DNAH11: variants seen among roughly 807,000 people sequenced by gnomAD.
DNAH11 encodes dynein axonemal heavy chain 11, also known as axonemal beta dynein heavy chain 11.
In DNAH11, 442 loss-of-function variants were observed where a neutral mutation model predicts 526.0. The observed-to-expected ratio is 0.84, with a 90% confidence interval of 0.78 to 0.91. The LOEUF (loss-of-function observed/expected upper bound fraction) is 0.91, where lower values mean the gene tolerates loss of function less well. DNAH11 is among the 40% of genes least tolerant of loss of function. The pLI is 0.00. For missense variants in DNAH11, 6,989 were observed against 5,448.7 expected (o/e 1.28, Z -8.90); for synonymous variants, 2,461 against 1,935.9 (o/e 1.27, Z -7.12).
At chr7:21,695,606 G>C (rs1258158662) in intron 35 of DNAH11, among the ~76,000 whole-genome samples, 1 of 152,184 alleles carries the variant, frequency 6.6e-6, no homozygotes, top group Non-Finnish European at 1.5e-5. Context: ...ATGGCTTAAA[G>C]ACTTAAACAT....
At chr7:21,716,585 A>G (rs931570968) in intron 42 of DNAH11, among the ~76,000 whole-genome samples, 4 of 152,184 alleles carry the variant, frequency 2.6e-5, no homozygotes, top group Admixed American at 1.3e-4. Context: ...CCTCTTCTTG[A>G]TAAGATCTAG....
intron 65 of DNAH11, among the ~76,000 whole-genome samples, chr7:21,821,485 A>G (rs34463432): frequency 0.48 from 73,402 of 152,032 alleles, 18,886 homozygotes; most frequent in Non-Finnish European, 0.58. Flanking sequence ...ACCCAGAGAC[A>G]TTAATTAACG....
intron 29 of DNAH11, among the ~76,000 whole-genome samples, chr7:21,656,647 G>T (rs1401290409): frequency 2.0e-5 from 3 of 152,120 alleles, no homozygotes; most frequent in Non-Finnish European, 2.9e-5. Flanking sequence ...GATGGAGCTT[G>T]CGTAGCTTGG....
intron 63 of DNAH11, among the ~76,000 whole-genome samples, chr7:21,812,907 G>A (rs781443988): frequency 8.5e-5 from 13 of 152,118 alleles, no homozygotes; most frequent in Admixed American, 1.3e-4. Flanking sequence ...TGGGGTTGAC[G>A]GCCATTACCC....
chr7:21,768,731 G>A (rs1008047448), intron 55 of DNAH11, among the ~76,000 whole-genome samples: 5 of 152,162 alleles, frequency 3.3e-5, no homozygotes, highest in African/African-American at 7.2e-5. Context: ...AACTGATGGC[G>A]AGAAAGTCCA....
chr7:21,680,104 C>T (rs1371621617), intron 30 of DNAH11, among the ~76,000 whole-genome samples: 1 of 152,196 alleles, frequency 6.6e-6, no homozygotes, highest in Non-Finnish European at 1.5e-5. Context: ...CCTTTCTTCT[C>T]CCTTCTTATT....
At chr7:21,597,825 T>C (rs1213098360) in intron 14 of DNAH11, among the ~76,000 whole-genome samples, 1 of 152,212 alleles carries the variant, frequency 6.6e-6, no homozygotes, top group African/African-American at 2.4e-5. Flanking sequence ...TAAGGATTTT[T>C]CTTCAGCTGT....
At position 21,842,590 on chromosome 7, in the gene DNAH11, C is replaced by G; in HGVS notation, c.10738C>G (p.Arg3580Gly). Residue 3580 changes from arginine to glycine, a missense_variant, in exon 66 of 82, where the codon CGC becomes GGC. Coordinates refer to ENST00000409508, the MANE Select transcript of DNAH11 (RefSeq NM_001277115.2). ...DKECEFNKNF[R>G]LILHTKLANP... ...AGAATGTGAATTTAACAAGAACTTT[C>G]GCCTTATCCTTCACACAAAATTGGC... 1 of 1,613,904 alleles carries G rather than the reference C, an allele frequency of 6.2e-7. No individual in the cohort carries two copies. Among genetic ancestry groups the G allele is most frequent in the Non-Finnish European group, 8.5e-7 (1 of 1,179,870 alleles).
At chr7:21,700,110 C>G (rs553648807) in intron 36 of DNAH11, among the ~76,000 whole-genome samples, 65 of 152,210 alleles carry the variant, frequency 4.3e-4, no homozygotes, top group Non-Finnish European at 8.8e-5. Context: ...GAAAACTGAG[C>G]AAAACAACCT....
chr7:21,634,799 C>T (rs1303892449), intron 25 of DNAH11, among the ~76,000 whole-genome samples: 1 of 151,662 alleles, frequency 6.6e-6, no homozygotes, highest in Non-Finnish European at 1.5e-5. Flanking sequence ...TGCATATGTA[C>T]CCCCCCGAAC....
chr7:21,576,206 A>G (rs1784089330), intron 8 of DNAH11, among the ~76,000 whole-genome samples: 1 of 152,188 alleles, frequency 6.6e-6, no homozygotes, highest in South Asian at 2.1e-4. Context: ...CTTGGCAGGA[A>G]GTTAATTACC....
At chr7:21,694,645 T>C (rs1173342414) in intron 35 of DNAH11, among the ~76,000 whole-genome samples, 1 of 152,218 alleles carries the variant, frequency 6.6e-6, no homozygotes, top group African/African-American at 2.4e-5. Context: ...TTGTAAATAG[T>C]GCTGCATTAA....
chr7:21,631,377 C>G (rs145887306), intron 25 of DNAH11, among the ~76,000 whole-genome samples: 1 of 152,240 alleles, frequency 6.6e-6, no homozygotes, highest in South Asian at 2.1e-4. Context: ...CAACAGTCCC[C>G]GAAAGTCTTA....
At chr7:21,757,491 C>G (rs1786689913) in intron 54 of DNAH11, among the ~76,000 whole-genome samples, 1 of 152,104 alleles carries the variant, frequency 6.6e-6, no homozygotes, top group South Asian at 2.1e-4. Context: ...TTCCTTCCAG[C>G]CTTTTGAGAG....
At chr7:21,594,651 G>T (rs1394001508) in intron 14 of DNAH11, among the ~76,000 whole-genome samples, 2 of 152,102 alleles carry the variant, frequency 1.3e-5, no homozygotes, top group Non-Finnish European at 2.9e-5. Context: ...CAGCCAAGTG[G>T]GCCTTTGGTG....
At chr7:21,789,006 A>C (rs900695241) in intron 60 of DNAH11, among the ~76,000 whole-genome samples, 1 of 152,138 alleles carries the variant, frequency 6.6e-6, no homozygotes, top group African/African-American at 2.4e-5. Context: ...GAAAAATAAC[A>C]GGCCAGGTGT....
chr7:21,701,609 A>G (rs1426097662), intron 36 of DNAH11, among the ~76,000 whole-genome samples: 1 of 152,202 alleles, frequency 6.6e-6, no homozygotes, highest in Non-Finnish European at 1.5e-5. Flanking sequence ...TCTCATTTGC[A>G]TCACACTGCA....
At chr7:21,588,259 T>A (rs1784542839) in intron 10 of DNAH11, 58 bp downstream of exon 10, 1 of 1,552,320 alleles carries the variant, frequency 6.4e-7, no homozygotes, top group African/African-American at 1.4e-5. Context: ...ATAATGACCA[T>A]CAACTAGAAC....
chr7:21,884,106 G>A (rs1219014111), intron 75 of DNAH11, among the ~76,000 whole-genome samples, 185 bp from the exon 76 acceptor site: 2 of 152,182 alleles, frequency 1.3e-5, no homozygotes, highest in East Asian at 1.9e-4. Flanking sequence ...TATATTAGAA[G>A]ACACTGAAAA....
Sources: allele counts gnomAD v4.1 joint callset (sites outside exome capture counted in the v4.1 genomes callset), GRCh38; gene constraint gnomAD v4.1.1; transcripts MANE v1.5; gene names NCBI Gene and HGNC (gene_info 2026-07-23, HGNC 2026-07-21).